The following USH2A variants were observed in gnomAD, a reference collection of about 807,000 sequenced individuals.
The protein encoded by USH2A is usherin.
A neutral mutation model predicts 538.9 loss-of-function variants in USH2A; 443 were observed. That is an observed-to-expected ratio of 0.82 (90% CI 0.76 to 0.89). The LOEUF (loss-of-function observed/expected upper bound fraction) is 0.89, where lower values mean the gene tolerates loss of function less well. Among genes scored for constraint, USH2A ranks in the 40% least tolerant of loss-of-function variants. USH2A has a pLI of 0.00. For missense variants in USH2A, 6,633 were observed against 6,324.8 expected, an observed-to-expected ratio of 1.05 and a Z score of -1.65; for synonymous variants, 2,413 against 2,273.5, an observed-to-expected ratio of 1.06 and a Z score of -1.75.
At chr1:216,359,193 T>C (rs1222111534) in intron 4 of USH2A, among the ~76,000 whole-genome samples, 1 of 152,054 alleles carries the variant, frequency 6.6e-6, no homozygotes, top group Non-Finnish European at 1.5e-5. Context: ...ATACACAAAC[T>C]AAAGTAATAC....
intron 16 of USH2A, among the ~76,000 whole-genome samples, chr1:216,205,477 G>A (rs988648215): frequency 1.3e-5 from 2 of 152,152 alleles, no homozygotes; most frequent in African/African-American, 4.8e-5. Context: ...AGAGAAAGGG[G>A]TGGACATAAG....
rs754169661 is a variant in USH2A, at chr1:215,759,708, C to T, written c.11183G>A (p.Gly3728Asp). 3.1e-6 allele frequency: 5 copies of T among 1,614,042 alleles called. No homozygotes were observed. The highest frequency in any genetic ancestry group is 4.2e-6 in the Non-Finnish European group (5 of 1,179,948). Residue 3728 changes from glycine to aspartate, a missense_variant, in exon 57 of 72, where the codon GGC becomes GAC. Coordinates refer to ENST00000307340, the MANE Select transcript of USH2A (RefSeq NM_206933.4). ...ATCAGTGAAATTCTGCTCCTCACTG[C>T]CACCCAGGAAAAGCAAGTTTCCATT... ...SRNGNLLFLG[G>D]SEEQNFTDKN...
At chr1:215,827,618 G>C (rs888175083) in intron 47 of USH2A, among the ~76,000 whole-genome samples, 1 of 152,140 alleles carries the variant, frequency 6.6e-6, no homozygotes, top group African/African-American at 2.4e-5. Context: ...AAAAGCCATG[G>C]TGACCATAAG....
At chr1:216,097,471 AC>A (rs1188553037) in intron 21 of USH2A, among the ~76,000 whole-genome samples, 1 of 152,172 alleles carries the variant, frequency 6.6e-6, no homozygotes. Context: ...AAACTCATCA[AC>A]CCAAAAAGAC....
Position 215,644,135 on chromosome 1 carries a change from G to A in USH2A, c.14791+3387C>T, listed in dbSNP as rs1239968705. ...ATTGAGCAGTGTCAACAATAAACAT[G>A]CAGTGTTAGGTGCACTCGCTTATTC... On this transcript the variant is annotated intron_variant, in intron 67 of 71. Transcript: ENST00000307340. Among the ~76,000 whole-genome samples, 3 of 152,218 alleles carry A rather than the reference G, an allele frequency of 2.0e-5. No individual in the cohort carries two copies. The East Asian group carries it at 5.8e-4, about 29-fold the overall frequency.
At chr1:215,962,877 G>A (rs1040519085) in intron 37 of USH2A, among the ~76,000 whole-genome samples, 2 of 152,030 alleles carry the variant, frequency 1.3e-5, no homozygotes, top group South Asian at 2.1e-4. Context: ...TTGTTGTTAC[G>A]AAACCTAATG....
At chr1:215,721,668 G>T (rs1006711168) in intron 61 of USH2A, among the ~76,000 whole-genome samples, 1 of 152,052 alleles carries the variant, frequency 6.6e-6, no homozygotes, top group Admixed American at 6.5e-5. Context: ...ATACATATTT[G>T]TCTGAAAGTC....
intron 34 of USH2A, among the ~76,000 whole-genome samples, chr1:215,996,341 G>A (rs1668135674): frequency 1.3e-5 from 2 of 152,134 alleles, no homozygotes; most frequent in Admixed American, 1.3e-4. Context: ...AAAAAGTGAA[G>A]CCACTTCCAG....
chr1:215,909,259 A>G (rs1352570009), intron 38 of USH2A, among the ~76,000 whole-genome samples: 2 of 151,908 alleles, frequency 1.3e-5, no homozygotes, highest in African/African-American at 4.8e-5. Context: ...GAGACGATAA[A>G]AAGTGATCAG....
chr1:216,026,641 G>T lies in USH2A; in HGVS notation c.6325+19790C>A, dbSNP rs1162266522. 2.6e-5 allele frequency among the ~76,000 whole-genome samples: 4 copies of T among 152,026 alleles called. No individual in the cohort carries two copies. The East Asian group carries it at 7.7e-4, about 29-fold the overall frequency. ...CCCTTCATTCTGAAAACTATTTATT[G>T]TTCTCCTACTATACACATATGCTGA... On this transcript the variant is annotated intron_variant, in intron 32 of 71. Coordinates refer to ENST00000307340, the MANE Select transcript of USH2A (RefSeq NM_206933.4).
intron 37 of USH2A, among the ~76,000 whole-genome samples, chr1:215,961,199 C>A (rs187339567): frequency 2.0e-5 from 3 of 151,842 alleles, no homozygotes; most frequent in Non-Finnish European, 2.9e-5. Flanking sequence ...CAGGTATCTG[C>A]GAGTGAAGTC....
At chr1:215,820,742 C>T (rs1418763744) in intron 47 of USH2A, among the ~76,000 whole-genome samples, 1 of 151,688 alleles carries the variant, frequency 6.6e-6, no homozygotes, top group Non-Finnish European at 1.5e-5. Context: ...CTCTCCCTCT[C>T]CCCATGACCC....
chr1:216,285,202 G>A (rs533618355), intron 11 of USH2A, among the ~76,000 whole-genome samples: 5 of 152,170 alleles, frequency 3.3e-5, no homozygotes, highest in Non-Finnish European at 7.3e-5. Context: ...CAGGCCTGGA[G>A]GCCTAGGAGG....
chr1:216,060,704 T>C (rs1234822176), intron 30 of USH2A, among the ~76,000 whole-genome samples: 2 of 152,332 alleles, frequency 1.3e-5, no homozygotes, highest in South Asian at 2.1e-4. Flanking sequence ...TCTGTAACAC[T>C]TGATGCCAGG....
At chr1:216,303,474 C>A (rs1164435349) in intron 9 of USH2A, among the ~76,000 whole-genome samples, 1 of 151,692 alleles carries the variant, frequency 6.6e-6, no homozygotes, top group East Asian at 1.9e-4. Flanking sequence ...ATTTAAGATT[C>A]CTCTAAACTT....
chr1:216,247,946 G>C (rs2036085493), intron 12 of USH2A, among the ~76,000 whole-genome samples: 1 of 152,146 alleles, frequency 6.6e-6, no homozygotes, highest in South Asian at 2.1e-4. Context: ...AATGTCAGCT[G>C]ATAACTATTT....
intron 6 of USH2A, 123 bp from the exon 7 acceptor site, chr1:216,324,475 T>C (rs1352459008): frequency 2.1e-6 from 2 of 941,740 alleles, no homozygotes; most frequent in Middle Eastern, 3.4e-4. Flanking sequence ...AGTTATCAAA[T>C]ATGTATTAGA....
chr1:216,362,161 C>T (rs771698772), intron 4 of USH2A, among the ~76,000 whole-genome samples: 2 of 152,014 alleles, frequency 1.3e-5, no homozygotes, highest in Non-Finnish European at 2.9e-5. Flanking sequence ...TTTAAAATAT[C>T]TAGACCACAA....
chr1:216,370,664 CCA>C (rs1558058359), intron 3 of USH2A, among the ~76,000 whole-genome samples: 1 of 37,666 alleles, frequency 2.7e-5, no homozygotes, highest in East Asian at 1.6e-3. Context: ...GGGAACAGAG[CCA>C]GACTCTGTCT....
Sources: allele counts gnomAD v4.1 joint callset (sites outside exome capture counted in the v4.1 genomes callset), GRCh38; gene constraint gnomAD v4.1.1; transcripts MANE v1.5; gene names NCBI Gene and HGNC (gene_info 2026-07-23, HGNC 2026-07-21).